CTTNBP2: variants seen among roughly 807,000 people sequenced by gnomAD.
CTTNBP2 encodes cortactin-binding protein 2.
In CTTNBP2, 108 loss-of-function variants were observed where a neutral mutation model predicts 156.9. The ratio of observed to expected loss-of-function variants is 0.69; its 90% CI spans 0.59 to 0.81. CTTNBP2 has a LOEUF of 0.81. CTTNBP2 is among the 30% of genes least tolerant of loss of function. The pLI is 0.00. For synonymous variants in CTTNBP2, 767 were observed against 751.8 expected (o/e 1.02, Z -0.33); for missense variants, 1,924 against 2,035.4 (o/e 0.95, Z 1.05).
At chr7:117,760,221 CTGAG>C (rs1797125126) in intron 10 of CTTNBP2, 4 of 558,108 alleles carry the variant, frequency 7.2e-6, no homozygotes, top group Admixed American at 3.1e-5. Context: ...TTTTTACTCT[CTGAG>C]TATTATTTGG....
chr7:117,864,216 T>C (rs1464705793), intron 1 of CTTNBP2, among the ~76,000 whole-genome samples: 1 of 152,114 alleles, frequency 6.6e-6, no homozygotes, highest in Non-Finnish European at 1.5e-5. Context: ...ATAAAAAATA[T>C]TGGTACAAGC....
At chr7:117,725,332 G>T in intron 17 of CTTNBP2, 75 bp from the exon 18 acceptor site, 1 of 1,346,664 alleles carries the variant, frequency 7.4e-7, no homozygotes, top group Non-Finnish European at 1.1e-6. Context: ...TGAAAGGACA[G>T]TTTGAAGACT....
chr7:117,766,877 A>G (rs567127129), intron 9 of CTTNBP2, among the ~76,000 whole-genome samples, 182 bp downstream of exon 9: 2 of 152,316 alleles, frequency 1.3e-5, no homozygotes, highest in Admixed American at 1.3e-4. Flanking sequence ...TTAGTTCTAC[A>G]AAAAGTCATT....
intron 2 of CTTNBP2, among the ~76,000 whole-genome samples, chr7:117,847,062 T>C (rs1802628605): frequency 6.6e-6 from 1 of 151,972 alleles, no homozygotes; most frequent in African/African-American, 2.4e-5. Flanking sequence ...AAAGTCAATA[T>C]TCAACTCACC....
rs1478875917 is a variant in CTTNBP2, at chr7:117,760,438, G to A, written c.3169C>T (p.Leu1057=). The change falls in exon 10 of 23, where the codon CTA becomes TTA. Residue 1057 remains leucine, a synonymous_variant. Coordinates refer to ENST00000160373, the MANE Select transcript of CTTNBP2 (RefSeq NM_033427.3). Reference sequence around the variant, plus strand: ...TCCGTCATAGGACTGCTGATACCTAGCGTGATGGATCGTATGCTTCTTGCA... The same window carrying A: ...TCCGTCATAGGACTGCTGATACCTAACGTGATGGATCGTATGCTTCTTGCA... ...LSARSIRSIT[L]GNVPWSVGQS... The A allele has an allele frequency of 6.2e-7, 1 of 1,613,500 alleles. No individual in the cohort carries two copies. Among genetic ancestry groups the A allele is most frequent in the Admixed American group, 1.7e-5 (1 of 60,008 alleles).
intron 2 of CTTNBP2, among the ~76,000 whole-genome samples, chr7:117,847,819 CTTTTTTTTTTTT>C (rs201419286): frequency 4.0e-4 from 37 of 91,362 alleles, no homozygotes; most frequent in South Asian, 1.3e-3. Flanking sequence ...TTTGCCTAAC[CTTTTTTTTTTTT>C]TTTTTTTTTT....
chr7:117,753,884 A>T (rs969847591), intron 12 of CTTNBP2, among the ~76,000 whole-genome samples: 36 of 152,184 alleles, frequency 2.4e-4, no homozygotes, highest in African/African-American at 8.7e-4. Flanking sequence ...TATTTAATAA[A>T]CTGCACATGT....
At chr7:117,843,680 T>C (rs1802403624) in intron 2 of CTTNBP2, among the ~76,000 whole-genome samples, 1 of 152,160 alleles carries the variant, frequency 6.6e-6, no homozygotes, top group African/African-American at 2.4e-5. Context: ...TGGAAGACTG[T>C]GAGCTGAAGG....
chr7:117,849,138 A>T (rs1233251136), intron 2 of CTTNBP2, among the ~76,000 whole-genome samples: 1 of 152,220 alleles, frequency 6.6e-6, no homozygotes. Flanking sequence ...AGACAAATTT[A>T]CTGGCCGTCT....
intron 1 of CTTNBP2, among the ~76,000 whole-genome samples, chr7:117,862,311 G>A (rs1803814608): frequency 6.6e-6 from 1 of 150,694 alleles, no homozygotes; most frequent in African/African-American, 2.4e-5. Context: ...TAGGTGTGGG[G>A]TGGGGTGGGG....
chr7:117,725,003 A>G, intron 18 of CTTNBP2, 49 bp downstream of exon 18: 1 of 1,546,730 alleles, frequency 6.5e-7, no homozygotes, highest in Non-Finnish European at 8.9e-7. Flanking sequence ...TTTAAAAGGT[A>G]TTTCACAAGG....
chr7:117,748,332 A>G (rs1796447416), intron 12 of CTTNBP2, among the ~76,000 whole-genome samples: 2 of 152,212 alleles, frequency 1.3e-5, no homozygotes, highest in Admixed American at 6.5e-5. Context: ...TAAATGGAAC[A>G]TGGTAAGTCC....
chr7:117,760,661 G>T lies in CTTNBP2; in HGVS notation c.2946C>A (p.Ser982Arg). 6.2e-7 allele frequency: 1 copy of T among 1,612,162 alleles called. No individual in the cohort carries two copies. Among genetic ancestry groups the T allele is most frequent in the Non-Finnish European group, 8.5e-7 (1 of 1,178,354 alleles). Residue 982 changes from serine (S) to arginine (R), a missense_variant, in exon 10 of 23, where the codon AGC becomes AGA. Coordinates refer to ENST00000160373, the MANE Select transcript of CTTNBP2 (RefSeq NM_033427.3). ...ATTCCAAGTCATCAGAACCATAGTTGCTTGGTTCAATCTCACCCACTGAAA... is the reference window on the plus strand; with the variant it reads ...ATTCCAAGTCATCAGAACCATAGTTTCTTGGTTCAATCTCACCCACTGAAA... ...LRISVGEIEPSNYGSDDLECE... is the reference protein window; with the variant it reads ...LRISVGEIEPRNYGSDDLECE...
At chr7:117,715,217 GGTTC>G (rs1314354874) in intron 22 of CTTNBP2, among the ~76,000 whole-genome samples, 1 of 152,070 alleles carries the variant, frequency 6.6e-6, no homozygotes, top group Non-Finnish European at 1.5e-5. Flanking sequence ...GACGAGAGAA[GGTTC>G]TATGGGGAGG....
Position 117,739,216 on chromosome 7 carries a change from G to A in CTTNBP2, c.3536-3795C>T, listed in dbSNP as rs555488011. 1.4e-4 allele frequency among the ~76,000 whole-genome samples: 22 copies of A among 152,192 alleles called. No homozygotes were observed. In the East Asian group the frequency reaches 3.7e-3, roughly 25 times the overall value. ...ACGTGTCTAGTTCAGGTTATTCTGC[G>A]TAGTTTCAGGTCTAAAATATTAACC... On this transcript the variant is annotated intron_variant, in intron 14 of 22. Coordinates refer to ENST00000160373, the MANE Select transcript of CTTNBP2 (RefSeq NM_033427.3).
chr7:117,781,728 C>T (rs556141892), intron 6 of CTTNBP2, among the ~76,000 whole-genome samples: 1 of 152,332 alleles, frequency 6.6e-6, no homozygotes, highest in Non-Finnish European at 1.5e-5. Context: ...CAGAGCAAGA[C>T]TCCGTCTAAA....
intron 10 of CTTNBP2, among the ~76,000 whole-genome samples, chr7:117,758,867 G>C (rs1797032417): frequency 6.6e-6 from 1 of 152,168 alleles, no homozygotes; most frequent in Admixed American, 6.5e-5. Flanking sequence ...TCAAGCCTTA[G>C]CATGCACTGT....
rs904034309 is a variant in CTTNBP2, at chr7:117,867,607, G to A, written c.81+5728C>T. Reference sequence around the variant, plus strand: ...TGCACACAGTATGAAAACAGAAAGTGTGCAAAGGATGTCTCAGGTACATCC... The same window carrying A: ...TGCACACAGTATGAAAACAGAAAGTATGCAAAGGATGTCTCAGGTACATCC... On this transcript the variant is annotated intron_variant, in intron 1 of 22. Transcript: ENST00000160373. Among the ~76,000 whole-genome samples the A allele has an allele frequency of 2.6e-5, 4 of 152,192 alleles. No homozygotes were observed. The South Asian group carries it at 8.3e-4, about 32-fold the overall frequency.
At chr7:117,763,858 A>G (rs997621307) in intron 9 of CTTNBP2, among the ~76,000 whole-genome samples, 2 of 152,066 alleles carry the variant, frequency 1.3e-5, no homozygotes, top group Non-Finnish European at 2.9e-5. Flanking sequence ...GGCATGAGCC[A>G]CTATGCCTGA....
Sources: allele counts gnomAD v4.1 joint callset (sites outside exome capture counted in the v4.1 genomes callset), GRCh38; gene constraint gnomAD v4.1.1; transcripts MANE v1.5; gene names NCBI Gene and HGNC (gene_info 2026-07-23, HGNC 2026-07-21).